NLGN1: variants seen among roughly 807,000 people sequenced by gnomAD.
NLGN1 encodes neuroligin 1, also known as neuroligin-1.
A neutral mutation model predicts 65.5 loss-of-function variants in NLGN1; 12 were observed. The observed-to-expected ratio is 0.18, with a 90% confidence interval of 0.12 to 0.30. The LOEUF (loss-of-function observed/expected upper bound fraction) is 0.30, where lower values mean the gene tolerates loss of function less well. NLGN1 is among the 10% of genes least tolerant of loss of function. NLGN1 has a pLI of 1.00. For synonymous variants in NLGN1, 350 were observed against 359.5 expected (o/e 0.97, Z 0.30); for missense variants, 750 against 1,007.1 (o/e 0.74, Z 3.46).
At chr3:173,570,869 A>AT (rs1442333582) in intron 2 of NLGN1, among the ~76,000 whole-genome samples, 1 of 151,892 alleles carries the variant, frequency 6.6e-6, no homozygotes, top group African/African-American at 2.4e-5. Flanking sequence ...AAGCTCAGCT[A>AT]TTTTTTTGTA....
At chr3:174,108,888 A>G (rs1488195147) in intron 4 of NLGN1, among the ~76,000 whole-genome samples, 2 of 151,980 alleles carry the variant, frequency 1.3e-5, no homozygotes, top group Admixed American at 6.6e-5. Context: ...CATATTTCAA[A>G]GTCTCCGTCT....
chr3:174,231,993 G>A lies in NLGN1; in HGVS notation c.647-43322G>A, dbSNP rs7429266. On this transcript the variant is annotated intron_variant, in intron 4 of 6. Coordinates refer to ENST00000457714, the Ensembl canonical transcript of NLGN1. ...GGACTGTACATGCAAAGCAGCCCCC[G>A]GAATAATGAAGGAGCCAAGAAACTG... Among the ~76,000 whole-genome samples, 536 of 152,258 alleles carry A rather than the reference G, an allele frequency of 3.5e-3. 1 individual carries two copies. Among genetic ancestry groups the A allele is most frequent in the African/African-American group, 0.011 (467 of 41,550 alleles).
chr3:173,857,035 G>A (rs1356448368), intron 4 of NLGN1, among the ~76,000 whole-genome samples: 7 of 145,824 alleles, frequency 4.8e-5, no homozygotes, highest in South Asian at 2.2e-4. Flanking sequence ...AAAAAAAAAA[G>A]AGGCATGAAT....
chr3:174,062,128 A>G (rs778214170), intron 4 of NLGN1, among the ~76,000 whole-genome samples: 4 of 152,082 alleles, frequency 2.6e-5, no homozygotes, highest in Admixed American at 6.6e-5. Context: ...AATTAAGACT[A>G]TTATTAGGAA....
chr3:173,447,163 G>C (rs1448312128), intron 2 of NLGN1, among the ~76,000 whole-genome samples: 2 of 152,212 alleles, frequency 1.3e-5, no homozygotes, highest in Admixed American at 1.3e-4. Flanking sequence ...GAATGGTAAT[G>C]TCTAGGTTTT....
chr3:174,055,457 A>G (rs1426967497), intron 4 of NLGN1, among the ~76,000 whole-genome samples: 1 of 152,072 alleles, frequency 6.6e-6, no homozygotes, highest in African/African-American at 2.4e-5. Flanking sequence ...TGATCAAGCA[A>G]TGATGACTTG....
chr3:173,807,885 G>A, intron 4 of NLGN1, 53 bp downstream of exon 4: 2 of 1,558,686 alleles, frequency 1.3e-6, no homozygotes, highest in Non-Finnish European at 1.8e-6. Flanking sequence ...GTATGTGATG[G>A]TTTTGTTTTG....
At chr3:173,906,032 C>A (rs1362528989) in intron 4 of NLGN1, among the ~76,000 whole-genome samples, 1 of 152,138 alleles carries the variant, frequency 6.6e-6, no homozygotes, top group Admixed American at 6.5e-5. Context: ...GTTGAGGAAA[C>A]AAAGGCAACT....
chr3:174,213,185 T>G (rs1220601328), intron 4 of NLGN1, among the ~76,000 whole-genome samples: 1 of 152,224 alleles, frequency 6.6e-6, no homozygotes, highest in Non-Finnish European at 1.5e-5. Context: ...TTGCTATGTT[T>G]CCCTCTTTCA....
chr3:173,526,277 T>C (rs1735630083), intron 2 of NLGN1, among the ~76,000 whole-genome samples: 1 of 152,112 alleles, frequency 6.6e-6, no homozygotes, highest in Non-Finnish European at 1.5e-5. Flanking sequence ...TATTTATAGT[T>C]AAATCTTGTT....
At chr3:173,492,278 A>G (rs77101745) in intron 2 of NLGN1, among the ~76,000 whole-genome samples, 9,241 of 151,930 alleles carry the variant, frequency 0.061, 357 homozygotes, top group South Asian at 0.12. Context: ...GTCTCCCTGC[A>G]TCTGCATTCG....
chr3:173,624,352 A>G, intron 3 of NLGN1, among the ~76,000 whole-genome samples: 1 of 152,276 alleles, frequency 6.6e-6, no homozygotes, highest in Non-Finnish European at 1.5e-5. Context: ...ATGAGTTTCA[A>G]GACTTCACTT....
At position 173,422,164 on chromosome 3, in the gene NLGN1, T is replaced by C. The variant is rs1004713694; in HGVS notation, c.-389-12846T>C. Among the ~76,000 whole-genome samples, 363 of 146,668 alleles carry C rather than the reference T, an allele frequency of 2.5e-3. 1 individual carries two copies. The highest frequency in any genetic ancestry group is 9.2e-3 in the African/African-American group (335 of 36,344). On this transcript the variant is annotated intron_variant, in intron 1 of 6. Coordinates refer to ENST00000457714, the Ensembl canonical transcript of NLGN1. ...CTATATATACACACACACACACACA[T>C]ACACACAATGGAATACTATTCAGCT... is the stretch of plus-strand genomic sequence containing the variant.
At chr3:173,424,132 T>C (rs751528502) in intron 1 of NLGN1, among the ~76,000 whole-genome samples, 1 of 152,176 alleles carries the variant, frequency 6.6e-6, no homozygotes, top group Non-Finnish European at 1.5e-5. Context: ...TGGCCCCTTT[T>C]AGCCACAGCT....
chr3:173,610,410 A>G (rs1752103802), intron 3 of NLGN1, among the ~76,000 whole-genome samples: 1 of 151,956 alleles, frequency 6.6e-6, no homozygotes. Context: ...TTCTTGAACC[A>G]ATATCTTGAA....
chr3:173,555,680 G>C (rs1049511287), intron 2 of NLGN1, among the ~76,000 whole-genome samples: 1 of 152,008 alleles, frequency 6.6e-6, no homozygotes, highest in Admixed American at 6.6e-5. Flanking sequence ...ATGGGATTTT[G>C]CCATGTTGCC....
chr3:173,502,775 C>T (rs1325716200), intron 2 of NLGN1, among the ~76,000 whole-genome samples: 1 of 152,018 alleles, frequency 6.6e-6, no homozygotes, highest in Non-Finnish European at 1.5e-5. Flanking sequence ...ACGTCCCCTC[C>T]CCTGGCAGTA....
chr3:173,881,419 C>CT lies in NLGN1; in HGVS notation c.646+73610dup, dbSNP rs71162368. Among the ~76,000 whole-genome samples the CT allele has an allele frequency of 9.1e-3, 734 of 80,540 alleles. 8 individuals are homozygous for CT. Among genetic ancestry groups the CT allele is most frequent in the East Asian group, 0.028 (53 of 1,910 alleles). 52.8% of individuals were successfully genotyped at this position (80,540 alleles called of 152,430 possible). A position where few individuals can be genotyped will look rare whatever the true frequency, so the allele number is the denominator to read the frequency against. ...GCCAGGCTCCACTTCTGCTCCACTC[C>CT]TTTTTTTTTTTTTTTTTTTTTTTGA... On this transcript the variant is annotated intron_variant, in intron 4 of 6. Transcript: ENST00000457714.
intron 3 of NLGN1, among the ~76,000 whole-genome samples, chr3:173,669,926 G>A (rs1390113904): frequency 2.0e-5 from 3 of 152,012 alleles, no homozygotes; most frequent in African/African-American, 7.2e-5. Flanking sequence ...TGTGATGTAA[G>A]GTTTTAAAAA....
Sources: gnomAD v4.1 joint callset for allele counts (sites outside exome capture counted in the v4.1 genomes callset) on GRCh38, gnomAD v4.1.1 for gene constraint, MANE v1.5 for transcripts, NCBI Gene and HGNC (gene_info 2026-07-23, HGNC 2026-07-21) for gene names.